Variants in AGBL4 observed in about 807,000 individuals in gnomAD.
The protein encoded by AGBL4 is AGBL carboxypeptidase 4.
AGBL4 carries 58 observed loss-of-function variants against 66.4 expected under a neutral mutation model. The observed-to-expected ratio is 0.87, with a 90% CI of 0.71 to 1.09. The LOEUF (loss-of-function observed/expected upper bound fraction) is 1.09. Among genes scored for constraint, AGBL4 ranks in the 50% least tolerant of loss-of-function variants. The probability of loss-of-function intolerance (pLI) is 0.00; values close to 1 mark genes in which losing one functional copy is unlikely to be tolerated. For missense variants in AGBL4, 579 were observed against 631.0 expected (o/e 0.92, Z 0.88); for synonymous variants, 234 against 222.9 (o/e 1.05, Z -0.44).
At chr1:49,232,105 C>G (rs1486851634) in intron 4 of AGBL4, among the ~76,000 whole-genome samples, 3 of 152,062 alleles carry the variant, frequency 2.0e-5, no homozygotes, top group Non-Finnish European at 4.4e-5. Flanking sequence ...CTAATGCATA[C>G]AGGTTTCCAC....
intron 2 of AGBL4, among the ~76,000 whole-genome samples, chr1:49,834,000 G>T (rs1224064371): frequency 6.6e-6 from 1 of 152,102 alleles, no homozygotes; most frequent in Non-Finnish European, 1.5e-5. Context: ...TTTTATTGAG[G>T]ATTTTCGCAT....
chr1:49,420,738 G>T (rs1161849912), intron 3 of AGBL4, among the ~76,000 whole-genome samples: 1 of 151,422 alleles, frequency 6.6e-6, no homozygotes, highest in East Asian at 1.9e-4. Flanking sequence ...TTATTTGTAT[G>T]ATATGCAATT....
At position 49,071,793 on chromosome 1, in the gene AGBL4, T is replaced by C. The variant is rs545308230; in HGVS notation, c.378-25993A>G. On this transcript the variant is annotated intron_variant, in intron 4 of 13. Coordinates refer to ENST00000371839, the MANE Select transcript of AGBL4 (RefSeq NM_032785.4). ...TCCAAAGCTGAGTTCAAGTCCCCGA[T>C]ATCCTTGTGAATTTTTTGTCTTGTT... Among the ~76,000 whole-genome samples, 193 of 151,808 alleles carry C rather than the reference T, an allele frequency of 1.3e-3. 7 individuals are homozygous for C. The South Asian group carries it at 0.039, about 30-fold the overall frequency.
the AGBL4 span, among the ~76,000 whole-genome samples, chr1:48,527,127 T>C: frequency 2.0e-5 from 3 of 152,110 alleles, no homozygotes; most frequent in Non-Finnish European, 4.4e-5. Flanking sequence ...CAGGATAGAA[T>C]TTTCGATTTG....
chr1:48,637,742 C>A (rs1645691559), intron 8 of AGBL4, among the ~76,000 whole-genome samples: 1 of 152,196 alleles, frequency 6.6e-6, no homozygotes, highest in South Asian at 2.1e-4. Context: ...CTGTAAGCCC[C>A]TTCGTATAAA....
chr1:48,718,685 A>G (rs1007184418), intron 6 of AGBL4, among the ~76,000 whole-genome samples: 2 of 152,170 alleles, frequency 1.3e-5, no homozygotes, highest in Admixed American at 6.5e-5. Context: ...GAGGTTTCCC[A>G]ACCCTGATTT....
chr1:48,873,797 G>T (rs1360171869), intron 5 of AGBL4, among the ~76,000 whole-genome samples: 3 of 152,032 alleles, frequency 2.0e-5, no homozygotes, highest in Non-Finnish European at 4.4e-5. Context: ...GGGGACCCAG[G>T]AATTGGACCA....
chr1:48,580,886 C>T (rs1569870891), intron 11 of AGBL4, among the ~76,000 whole-genome samples: 1 of 152,152 alleles, frequency 6.6e-6, no homozygotes, highest in African/African-American at 2.4e-5. Context: ...GTAGCATCCT[C>T]TCTCTGGCAT....
At chr1:49,706,650 T>G (rs951210715) in intron 2 of AGBL4, among the ~76,000 whole-genome samples, 2 of 152,186 alleles carry the variant, frequency 1.3e-5, no homozygotes, top group African/African-American at 4.8e-5. Flanking sequence ...GGGTGTCGAT[T>G]TCAGATCTTT....
At chr1:49,683,565 G>A (rs984193928) in intron 3 of AGBL4, among the ~76,000 whole-genome samples, 2 of 152,132 alleles carry the variant, frequency 1.3e-5, no homozygotes, top group African/African-American at 4.8e-5. Flanking sequence ...CACATCAAGT[G>A]TAACATCATA....
At chr1:48,572,775 TGCCTTCCAA>T (rs1323023131) in intron 11 of AGBL4, among the ~76,000 whole-genome samples, 1 of 152,128 alleles carries the variant, frequency 6.6e-6, no homozygotes, top group African/African-American at 2.4e-5. Context: ...AGGACCAGGC[TGCCTTCCAA>T]TCCTCGATGT....
intron 1 of AGBL4, among the ~76,000 whole-genome samples, chr1:49,998,534 T>C (rs891005561): frequency 1.3e-5 from 2 of 152,080 alleles, no homozygotes; most frequent in Non-Finnish European, 2.9e-5. Context: ...ACCAATCCTA[T>C]TAACACTTTT....
chr1:48,776,872 C>G (rs1462790818), intron 6 of AGBL4: 1 of 1,248,858 alleles, frequency 8.0e-7, no homozygotes, highest in Non-Finnish European at 1.0e-6. Context: ...CAGCTCAGCC[C>G]GCGGGGCGGG....
At chr1:49,039,085 C>G (rs1664895436) in intron 5 of AGBL4, among the ~76,000 whole-genome samples, 1 of 151,960 alleles carries the variant, frequency 6.6e-6, no homozygotes, top group African/African-American at 2.4e-5. Flanking sequence ...GCGAAAGAAG[C>G]CAATCTGAAA....
At chr1:48,779,704 CTTTTTTTTTT>C (rs200375125) in intron 6 of AGBL4, among the ~76,000 whole-genome samples, 27,751 of 137,166 alleles carry the variant, frequency 0.2, 3,159 homozygotes, top group East Asian at 0.42. Flanking sequence ...CTGTTCCTCT[CTTTTTTTTTT>C]TTTTTTTTTT....
chr1:49,811,853 A>T (rs1258838924), intron 2 of AGBL4, among the ~76,000 whole-genome samples: 1 of 152,194 alleles, frequency 6.6e-6, no homozygotes, highest in Non-Finnish European at 1.5e-5. Context: ...CACAAAACGT[A>T]AATACTTCAT....
At chr1:49,088,873 TA>T (rs528387357) in intron 4 of AGBL4, among the ~76,000 whole-genome samples, 1 of 151,244 alleles carries the variant, frequency 6.6e-6, no homozygotes, top group Non-Finnish European at 1.5e-5. Context: ...CTCAGCAAAT[TA>T]AAAAAAATCA....
rs118080013 is a variant in AGBL4, at chr1:49,203,933, G to A, written c.377+41837C>T. Among the ~76,000 whole-genome samples the A allele has an allele frequency of 7.8e-3, 1,181 of 152,288 alleles. 9 individuals carry two copies. Among genetic ancestry groups the A allele is most frequent in the Middle Eastern group, 0.027 (8 of 294 alleles). On this transcript the variant is annotated intron_variant, in intron 4 of 13. Transcript: ENST00000371839. ...ACTTGTTAAAAGGGTAAATTTATGTGCTTTTTGTCACACTAAAGATTTTTT... is the reference window on the plus strand; with the variant it reads ...ACTTGTTAAAAGGGTAAATTTATGTACTTTTTGTCACACTAAAGATTTTTT...
At chr1:49,508,800 G>A (rs536094972) in intron 3 of AGBL4, among the ~76,000 whole-genome samples, 2 of 151,808 alleles carry the variant, frequency 1.3e-5, no homozygotes, top group African/African-American at 2.4e-5. Flanking sequence ...AAAGCATCAG[G>A]CATGGCTAAT....
Sources: gnomAD v4.1 joint callset for allele counts (sites outside exome capture counted in the v4.1 genomes callset) on GRCh38, gnomAD v4.1.1 for gene constraint, MANE v1.5 for transcripts, NCBI Gene and HGNC (gene_info 2026-07-23, HGNC 2026-07-21) for gene names.